The following FCER1A variants were observed in gnomAD, a reference collection of about 807,000 sequenced individuals.
FCER1A encodes the protein high affinity immunoglobulin epsilon receptor subunit alpha.
A neutral mutation model predicts 23.6 loss-of-function variants in FCER1A; 24 were observed. The observed-to-expected ratio is 1.02, with a 90% CI of 0.74 to 1.43. FCER1A has a LOEUF of 1.43. FCER1A is among the 40% of genes most tolerant of loss of function. The pLI, the probability that FCER1A is intolerant of heterozygous loss-of-function variation, is 0.00. For synonymous variants in FCER1A, 121 were observed against 108.8 expected (o/e 1.11, Z -0.70); for missense variants, 318 against 294.5 (o/e 1.08, Z -0.58).
intron 1 of FCER1A, among the ~76,000 whole-genome samples, chr1:159,290,487 C>T (rs1170983946): frequency 6.6e-6 from 1 of 152,178 alleles, no homozygotes; most frequent in Non-Finnish European, 1.5e-5. Context: ...CACAAACTCT[C>T]AACTTATTGG....
intron 1 of FCER1A, among the ~76,000 whole-genome samples, chr1:159,291,002 A>T (rs1652137043): frequency 6.6e-6 from 1 of 152,228 alleles, no homozygotes; most frequent in Non-Finnish European, 1.5e-5. Flanking sequence ...ATTAGTCTAT[A>T]TGCTATAGGC....
At chr1:159,299,150 C>T (rs1652367138), upstream of FCER1A, among the ~76,000 whole-genome samples, 2 of 152,172 alleles carry the variant, frequency 1.3e-5, 1 homozygote, top group South Asian at 4.1e-4. Context: ...ATAGATAGGA[C>T]ATGTTGCATA....
At chr1:159,292,536 G>A (rs1652179678) in intron 1 of FCER1A, among the ~76,000 whole-genome samples, 1 of 151,890 alleles carries the variant, frequency 6.6e-6, no homozygotes, top group Non-Finnish European at 1.5e-5. Flanking sequence ...CACTTCTCTA[G>A]ACTATCTATC....
At chr1:159,285,515 T>C (rs1373072015), upstream of FCER1A, among the ~76,000 whole-genome samples, 2 of 151,704 alleles carry the variant, frequency 1.3e-5, no homozygotes, top group East Asian at 3.9e-4. Context: ...TATTAAACTA[T>C]GGACTATATT....
At position 159,294,709 on chromosome 1, in the gene FCER1A, A is replaced by G. The variant is rs147489998; in HGVS notation, c.-60+4956A>G. Among the ~76,000 whole-genome samples the G allele has an allele frequency of 1.3e-3, 192 of 152,322 alleles. 1 individual carries two copies. The highest frequency in any genetic ancestry group is 8.1e-3 in the South Asian group (39 of 4,828). ...TTGTTGAACAAAGAAATGAAAATAT[A>G]TGATGAAGAATGTTCCTATGCTGAA... is the stretch of plus-strand genomic sequence containing the variant. On this transcript the variant is annotated intron_variant, in intron 1 of 5. Coordinates refer to the FCER1A transcript ENST00000368115.
upstream of FCER1A, chr1:159,289,629 A>G (rs558361915): frequency 2.6e-5 from 4 of 152,120 alleles, no homozygotes; most frequent in Non-Finnish European, 4.4e-5. Flanking sequence ...GTCTCATTGG[A>G]GTTATTAGGC....
At chr1:159,287,289 T>C (rs933208939), upstream of FCER1A, among the ~76,000 whole-genome samples, 3 of 152,238 alleles carry the variant, frequency 2.0e-5, no homozygotes, top group Admixed American at 1.3e-4. Flanking sequence ...CAGCTTCCTT[T>C]TACTCATTGA....
upstream of FCER1A, among the ~76,000 whole-genome samples, chr1:159,298,214 C>T (rs1282149285): frequency 6.6e-6 from 1 of 152,196 alleles, no homozygotes; most frequent in African/African-American, 2.4e-5. Context: ...TATCTAGATG[C>T]CCACACCTAT....
At chr1:159,285,573 A>AAT (rs765977027), upstream of FCER1A, among the ~76,000 whole-genome samples, 6 of 151,556 alleles carry the variant, frequency 4.0e-5, no homozygotes, top group East Asian at 1.9e-4. Flanking sequence ...ATATCAGTTT[A>AAT]ATATATATAT....
upstream of FCER1A, among the ~76,000 whole-genome samples, chr1:159,289,107 C>T (rs896567245): frequency 3.3e-5 from 5 of 152,124 alleles, no homozygotes; most frequent in Non-Finnish European, 7.4e-5. Context: ...GCCATCTTTC[C>T]ACTATTCTGC....
chr1:159,284,863 A>G (rs565120091), upstream of FCER1A, among the ~76,000 whole-genome samples: 3 of 152,332 alleles, frequency 2.0e-5, no homozygotes, highest in Admixed American at 1.3e-4. Flanking sequence ...TTCGCATATC[A>G]ATAAACATTT....
intron 1 of FCER1A, among the ~76,000 whole-genome samples, chr1:159,290,716 G>A (rs576323347): frequency 2.6e-5 from 4 of 152,082 alleles, no homozygotes; most frequent in Non-Finnish European, 5.9e-5. Flanking sequence ...GTATTAAATA[G>A]GATAAAGCAC....
At chr1:159,300,042 T>C (rs1275260002), upstream of FCER1A, among the ~76,000 whole-genome samples, 2 of 152,140 alleles carry the variant, frequency 1.3e-5, no homozygotes, top group Non-Finnish European at 2.9e-5. Context: ...GCTGCTTTTA[T>C]TGGACTGCTA....
At chr1:159,290,970 A>G (rs1226069334) in intron 1 of FCER1A, among the ~76,000 whole-genome samples, 1 of 152,230 alleles carries the variant, frequency 6.6e-6, no homozygotes, top group Non-Finnish European at 1.5e-5. Flanking sequence ...TCTCTGATAT[A>G]ATGCATTTTT....
intron 4 of FCER1A, among the ~76,000 whole-genome samples, chr1:159,306,577 G>T (rs1230042458): frequency 1.3e-5 from 2 of 152,264 alleles, no homozygotes; most frequent in African/African-American, 4.8e-5. Context: ...GTCATCTGTT[G>T]CTCCTGGGGG....
intron 3 of FCER1A, 60 bp from the exon 4 acceptor site, chr1:159,305,928 C>T: frequency 2.1e-6 from 3 of 1,463,254 alleles, no homozygotes; most frequent in Non-Finnish European, 2.8e-6. Context: ...TCTCTTTTCT[C>T]TATTCATTCT....
chr1:159,304,683 C>A (rs1228842485), intron 3 of FCER1A, among the ~76,000 whole-genome samples: 1 of 152,244 alleles, frequency 6.6e-6, no homozygotes, highest in East Asian at 1.9e-4. Context: ...TACTTGTATG[C>A]CTTCTTTCAA....
At chr1:159,286,050 C>T (rs1652006316), upstream of FCER1A, among the ~76,000 whole-genome samples, 2 of 151,652 alleles carry the variant, frequency 1.3e-5, no homozygotes, top group African/African-American at 2.4e-5. Flanking sequence ...ATTAGCAGGA[C>T]GTGGTGGCGC....
chr1:159,291,178 G>A (rs1348094516), intron 1 of FCER1A, among the ~76,000 whole-genome samples: 1 of 152,056 alleles, frequency 6.6e-6, no homozygotes, highest in East Asian at 1.9e-4. Flanking sequence ...TCACTTCAAG[G>A]TTTTCTCTTG....
Sources: allele counts gnomAD v4.1 joint callset (sites outside exome capture counted in the v4.1 genomes callset), GRCh38; gene constraint gnomAD v4.1.1; transcripts MANE v1.5; gene names NCBI Gene and HGNC (gene_info 2026-07-23, HGNC 2026-07-21).